SCUBE1: variants seen among roughly 807,000 people sequenced by gnomAD.
SCUBE1 encodes signal peptide, CUB domain and EGF like domain containing 1, also known as signal peptide, CUB and EGF-like domain-containing protein 1.
Under a neutral mutation model 124.4 loss-of-function variants are expected in SCUBE1, and 59 were observed. The ratio of observed to expected loss-of-function variants is 0.47; its 90% CI spans 0.38 to 0.59. SCUBE1 has a LOEUF of 0.59. Among genes scored for constraint, SCUBE1 ranks in the 20% least tolerant of loss-of-function variants. SCUBE1 has a pLI of 0.00. For synonymous variants in SCUBE1, 545 were observed against 550.9 expected (o/e 0.99, Z 0.15); for missense variants, 1,150 against 1,371.2 (o/e 0.84, Z 2.55).
At chr22:43,291,307 G>A (rs1396038010) in intron 3 of SCUBE1, 127 bp from the exon 4 acceptor site, 18 of 998,516 alleles carry the variant, frequency 1.8e-5, no homozygotes, top group Middle Eastern at 2.5e-4. Context: ...CTCCAGAGAG[G>A]GCCTCCCTGG....
At chr22:43,223,563 T>G (rs557685702) in intron 10 of SCUBE1, among the ~76,000 whole-genome samples, 1 of 152,312 alleles carries the variant, frequency 6.6e-6, no homozygotes, top group African/African-American at 2.4e-5. Flanking sequence ...GAACACTGGC[T>G]TCCTGGGAGG....
chr22:43,255,824 C>A lies in SCUBE1; in HGVS notation c.727+2395G>T, dbSNP rs1303598591. 6.6e-6 allele frequency among the ~76,000 whole-genome samples: 1 copy of A among 152,140 alleles called. No individual in the cohort carries two copies. Among genetic ancestry groups the A allele is most frequent in the Admixed American group, 6.5e-5 (1 of 15,288 alleles). On this transcript the variant is annotated intron_variant, in intron 6 of 21. Coordinates refer to ENST00000360835, the MANE Select transcript of SCUBE1 (RefSeq NM_173050.5). The surrounding 1 kb of genome is among the most constrained non-coding windows in gnomAD (Gnocchi z 4.7). ...GAAAGGAGGAATGACCACAAAGTGA[C>A]CTGGGACACAGAGGGGACTCAGGGC...
At chr22:43,215,924 C>T (rs560638516) in intron 15 of SCUBE1, among the ~76,000 whole-genome samples, 3 of 152,004 alleles carry the variant, frequency 2.0e-5, no homozygotes, top group African/African-American at 4.8e-5. Flanking sequence ...CACATGCACA[C>T]GTGTGGGAGA....
At chr22:43,292,864 G>A (rs1925417928) in intron 3 of SCUBE1, among the ~76,000 whole-genome samples, 1 of 152,240 alleles carries the variant, frequency 6.6e-6, no homozygotes, top group South Asian at 2.1e-4. Flanking sequence ...GGCAGTCAGA[G>A]GAGGCAGGCA....
intron 6 of SCUBE1, among the ~76,000 whole-genome samples, chr22:43,241,793 C>T (rs959136076): frequency 6.6e-6 from 1 of 152,244 alleles, no homozygotes; most frequent in African/African-American, 2.4e-5. Context: ...ACTGTGTCAT[C>T]CTGGGCAGCC....
chr22:43,337,676 C>T (rs147247246), intron 2 of SCUBE1, among the ~76,000 whole-genome samples: 6 of 152,300 alleles, frequency 3.9e-5, no homozygotes, highest in Admixed American at 2.6e-4. Flanking sequence ...TGATCCAGGG[C>T]GATGTCATCT....
chr22:43,293,078 C>T (rs1297838910), intron 3 of SCUBE1, among the ~76,000 whole-genome samples: 1 of 152,222 alleles, frequency 6.6e-6, no homozygotes, highest in East Asian at 1.9e-4. Context: ...CTTTGCTGGG[C>T]GCAGCCCCTA....
chr22:43,307,500 C>T (rs910206982), intron 3 of SCUBE1, among the ~76,000 whole-genome samples: 6 of 152,182 alleles, frequency 3.9e-5, no homozygotes, highest in African/African-American at 1.4e-4. Context: ...AAGGAGGACA[C>T]GGAAAAGAGC....
At chr22:43,277,118 T>C (rs1389488037) in intron 4 of SCUBE1, among the ~76,000 whole-genome samples, 2 of 150,060 alleles carry the variant, frequency 1.3e-5, no homozygotes, top group African/African-American at 5.0e-5. Flanking sequence ...ACCTGGGGGA[T>C]CAGGAGGTGT....
chr22:43,214,079 C>A lies in SCUBE1; in HGVS notation c.2053+11G>T. On this transcript the variant is annotated intron_variant, in intron 16 of 21. Coordinates refer to ENST00000360835, the MANE Select transcript of SCUBE1 (RefSeq NM_173050.5). ...CCCCACCCCCACCTCTCCTTCTAGG[C>A]CCGCACTTGCCTCCACATTCCGACA... 1 of 731,422 alleles carries A rather than the reference C, an allele frequency of 1.4e-6. No individual in the cohort carries two copies. 45.3% of individuals were successfully genotyped at this position (731,422 alleles called of 1,614,324 possible).
At chr22:43,334,761 G>A (rs1927010523) in intron 2 of SCUBE1, among the ~76,000 whole-genome samples, 1 of 152,144 alleles carries the variant, frequency 6.6e-6, no homozygotes, top group African/African-American at 2.4e-5. Flanking sequence ...GGCAGCTAGT[G>A]CTTATATACA....
intron 12 of SCUBE1, 38 bp from the exon 13 acceptor site, chr22:43,221,327 C>T: frequency 7.1e-7 from 1 of 1,417,748 alleles, no homozygotes; most frequent in Non-Finnish European, 9.9e-7. Context: ...GGTGGCCTCT[C>T]CTGCAGGCAA....
At chr22:43,341,617 G>A (rs2146808555) in intron 1 of SCUBE1, among the ~76,000 whole-genome samples, 1 of 152,332 alleles carries the variant, frequency 6.6e-6, no homozygotes, top group South Asian at 2.1e-4. Context: ...TAAACACTTG[G>A]GTGTCCTTGG....
chr22:43,276,101 C>G (rs955537961), intron 4 of SCUBE1: 5 of 152,612 alleles, frequency 3.3e-5, no homozygotes, highest in African/African-American at 1.2e-4. Context: ...GCGCTGGTGC[C>G]CCACTGATGG....
intron 4 of SCUBE1, among the ~76,000 whole-genome samples, chr22:43,280,739 CGGCCACCCTCCTGTCACCTCCCTCATT>C (rs1369802070): frequency 0.027 from 1,959 of 73,818 alleles, 37 homozygotes; most frequent in African/African-American, 0.089. Flanking sequence ...CCTTCCTCCT[CGGCCACCCTCCTGTCACCTCCCTCATT>C]GGCCACCCTC....
At chr22:43,289,570 T>G (rs1419306866) in intron 4 of SCUBE1, among the ~76,000 whole-genome samples, 2 of 152,244 alleles carry the variant, frequency 1.3e-5, no homozygotes, top group African/African-American at 2.4e-5. Flanking sequence ...CTGAGTACTT[T>G]TTAAATGTTT....
chr22:43,279,057 G>T (rs9620132), intron 4 of SCUBE1, among the ~76,000 whole-genome samples: 1 of 152,192 alleles, frequency 6.6e-6, no homozygotes, highest in Non-Finnish European at 1.5e-5. Flanking sequence ...TCGAGGACCA[G>T]CCTGGAAGAG....
chr22:43,214,213 C>A lies in SCUBE1; in HGVS notation c.1930G>T (p.Gly644Cys). 1 of 1,612,942 alleles carries A rather than the reference C, an allele frequency of 6.2e-7. No homozygotes were observed. Among genetic ancestry groups the A allele is most frequent in the Non-Finnish European group, 8.5e-7 (1 of 1,179,850 alleles). Residue 644 changes from glycine to cysteine, a missense_variant, in exon 16 of 22, where the codon GGC (glycine) becomes TGC (cysteine). Transcript: ENST00000360835. ...CCTGGCATACATGACACACACTGGCCGAGCTCACCACCGAAGTGGGTGCCA... is the reference window on the plus strand; with the variant it reads ...CCTGGCATACATGACACACACTGGCAGAGCTCACCACCGAAGTGGGTGCCA... ...GPGTHFGGEL[G>C]QCVSCMPGTY...
In SCUBE1 at chr22:43,229,732, A is replaced by C. The variant is rs571558482; in HGVS notation, c.968-544T>G. 3.9e-5 allele frequency among the ~76,000 whole-genome samples: 6 copies of C among 152,330 alleles called. No homozygotes were observed. In the East Asian group the frequency reaches 1.2e-3, roughly 29 times the overall value. On this transcript the variant is annotated intron_variant, in intron 8 of 21. Transcript: ENST00000360835. ...CATAAAGGTCAAAAAGGGAGCTCTGATAGAATGTGAAATGTGATGATGAGC... is the reference window on the plus strand; with the variant it reads ...CATAAAGGTCAAAAAGGGAGCTCTGCTAGAATGTGAAATGTGATGATGAGC...
Sources: gnomAD v4.1 joint callset for allele counts (sites outside exome capture counted in the v4.1 genomes callset) on GRCh38, gnomAD v4.1.1 for gene constraint, Gnocchi (gnomAD v3.1) non-coding constraint, MANE v1.5 for transcripts, NCBI Gene and HGNC (gene_info 2026-07-23, HGNC 2026-07-21) for gene names.